GBE1: variants seen among roughly 807,000 people sequenced by gnomAD.
The protein encoded by GBE1 is 1,4-alpha-glucan-branching enzyme.
Under a neutral mutation model 88.8 loss-of-function variants are expected in GBE1, and 70 were observed. The ratio of observed to expected loss-of-function variants is 0.79; its 90% CI spans 0.65 to 0.96. GBE1 has a LOEUF of 0.96. Ranked by LOEUF, GBE1 falls within the 40% of genes least tolerant of loss-of-function variation. GBE1 has a pLI of 0.00. For missense variants in GBE1, 872 were observed against 871.0 expected (o/e 1.00, Z -0.01); for synonymous variants, 284 against 300.1 (o/e 0.95, Z 0.56).
At chr3:81,499,081 G>A in intron 15 of GBE1, 29 bp downstream of exon 15, 1 of 1,111,576 alleles carries the variant, frequency 9.0e-7, no homozygotes, top group South Asian at 1.4e-5. Context: ...AATTAAAATA[G>A]CAGGAAATAT....
chr3:81,573,208 T>A (rs1703598189), intron 12 of GBE1, among the ~76,000 whole-genome samples: 1 of 152,210 alleles, frequency 6.6e-6, no homozygotes, highest in Admixed American at 6.5e-5. Flanking sequence ...AACTTGCCAA[T>A]CAGAATGGCA....
chr3:81,648,338 C>T (rs1001210358), intron 5 of GBE1, among the ~76,000 whole-genome samples: 5 of 152,082 alleles, frequency 3.3e-5, no homozygotes, highest in African/African-American at 1.2e-4. Context: ...GTTATGAAGA[C>T]AGGATCTGTG....
At position 81,659,359 on chromosome 3, in the gene GBE1, A is replaced by T. The variant is rs562181873; in HGVS notation, c.430-9438T>A. ...TTATTTTTTTTTTATTTTTTTTTAG[A>T]CAGTCTCAGTCTGTCACCCAGGCTG... On this transcript the variant is annotated intron_variant, in intron 3 of 15. Coordinates refer to ENST00000429644, the MANE Select transcript of GBE1 (RefSeq NM_000158.4). Among the ~76,000 whole-genome samples the T allele has an allele frequency of 1.0e-3, 156 of 151,086 alleles. 1 individual carries two copies. Among genetic ancestry groups the T allele is most frequent in the African/African-American group, 3.5e-3 (143 of 41,166 alleles).
intron 9 of GBE1, among the ~76,000 whole-genome samples, chr3:81,589,296 T>C (rs1404457366): frequency 1.3e-5 from 2 of 152,028 alleles, no homozygotes; most frequent in Middle Eastern, 3.4e-3. Flanking sequence ...GCAATTTTTG[T>C]AATTGTCATT....
chr3:81,548,049 G>C (rs1194651103), intron 12 of GBE1, among the ~76,000 whole-genome samples: 4 of 151,262 alleles, frequency 2.6e-5, no homozygotes, highest in African/African-American at 9.7e-5. Flanking sequence ...TCAGGTTCAG[G>C]GTTCAATTCC....
At chr3:81,616,271 G>A (rs1473428241) in intron 7 of GBE1, among the ~76,000 whole-genome samples, 1 of 152,102 alleles carries the variant, frequency 6.6e-6, no homozygotes, top group Non-Finnish European at 1.5e-5. Flanking sequence ...CTCATGTCAA[G>A]TCTAAGAACT....
At chr3:81,498,847 C>T (rs909246996) in intron 15 of GBE1, among the ~76,000 whole-genome samples, 5 of 152,078 alleles carry the variant, frequency 3.3e-5, no homozygotes, top group African/African-American at 1.2e-4. Context: ...GCCTTCTGCT[C>T]ATTTCTTGAG....
chr3:81,702,039 C>A (rs1486077209), intron 2 of GBE1, among the ~76,000 whole-genome samples: 1 of 142,042 alleles, frequency 7.0e-6, no homozygotes, highest in African/African-American at 2.6e-5. Flanking sequence ...TAGGAAAAAA[C>A]GGATTTTATG....
intron 14 of GBE1, among the ~76,000 whole-genome samples, chr3:81,529,533 A>G (rs1193637509): frequency 6.6e-6 from 1 of 151,046 alleles, no homozygotes; most frequent in African/African-American, 2.4e-5. Context: ...TTTGTCTGGG[A>G]AAGTCTTAAT....
intron 1 of GBE1, among the ~76,000 whole-genome samples, chr3:81,727,765 G>A (rs1706133002): frequency 6.6e-6 from 1 of 152,096 alleles, no homozygotes; most frequent in South Asian, 2.1e-4. Context: ...GAAAAAGTAG[G>A]CAGTATATTT....
chr3:81,665,404 C>T (rs946109510), intron 3 of GBE1, among the ~76,000 whole-genome samples: 27 of 151,982 alleles, frequency 1.8e-4, no homozygotes, highest in Admixed American at 2.6e-4. Context: ...GGCGTGGTGG[C>T]GGGCGCCTGT....
intron 1 of GBE1, among the ~76,000 whole-genome samples, chr3:81,753,321 T>A (rs1706558352): frequency 6.6e-6 from 1 of 152,180 alleles, no homozygotes; most frequent in African/African-American, 2.4e-5. Flanking sequence ...GATGAGCTCA[T>A]ATTGCCATAA....
At chr3:81,732,311 G>A (rs1204195955) in intron 1 of GBE1, among the ~76,000 whole-genome samples, 4 of 152,054 alleles carry the variant, frequency 2.6e-5, no homozygotes, top group Non-Finnish European at 5.9e-5. Flanking sequence ...AACATATGCA[G>A]CAAGTCCACA....
chr3:81,725,521 T>C (rs567246459), intron 1 of GBE1, among the ~76,000 whole-genome samples: 1 of 152,262 alleles, frequency 6.6e-6, no homozygotes, highest in South Asian at 2.1e-4. Context: ...AGTTAATTAA[T>C]TTTTTAATAT....
chr3:81,751,332 A>G (rs1232912125), intron 1 of GBE1, among the ~76,000 whole-genome samples: 1 of 152,184 alleles, frequency 6.6e-6, no homozygotes. Context: ...TCCTCTTTGG[A>G]GAAAGGAAAA....
chr3:81,545,512 C>T (rs1331764500), intron 12 of GBE1, among the ~76,000 whole-genome samples: 1 of 152,056 alleles, frequency 6.6e-6, no homozygotes, highest in Non-Finnish European at 1.5e-5. Flanking sequence ...CAAAACAGAA[C>T]TCAGTGCTCA....
In GBE1 at chr3:81,612,124, T is replaced by A. The variant is rs1013075089; in HGVS notation, c.993-18101A>T. 7.6e-5 allele frequency: 22 copies of A among 291,266 alleles called. 1 individual carries two copies. Among genetic ancestry groups the A allele is most frequent in the African/African-American group, 5.0e-4 (22 of 44,048 alleles). The allele number at this position is 291,266 out of a possible 1,614,324, so 18.0% of individuals were successfully genotyped here. On this transcript the variant is annotated intron_variant, in intron 7 of 15. Transcript: ENST00000429644. ...TTTCAAATTATAGGAATATTAGAAC[T>A]TTTTAGGCAGGAATGGTTCATAAGA... is the stretch of plus-strand genomic sequence containing the variant.
At chr3:81,736,306 TC>T (rs1706257197) in intron 1 of GBE1, among the ~76,000 whole-genome samples, 1 of 152,192 alleles carries the variant, frequency 6.6e-6, no homozygotes, top group African/African-American at 2.4e-5. Flanking sequence ...TTAAGGGATC[TC>T]AACCACATTG....
intron 7 of GBE1, among the ~76,000 whole-genome samples, chr3:81,600,871 T>C (rs768861669): frequency 7.9e-5 from 12 of 151,836 alleles, no homozygotes; most frequent in Non-Finnish European, 1.5e-4. Context: ...GGTGAAAATA[T>C]AGAGGCACCT....
Sources: gnomAD v4.1 joint callset for allele counts (sites outside exome capture counted in the v4.1 genomes callset) on GRCh38, gnomAD v4.1.1 for gene constraint, MANE v1.5 for transcripts, NCBI Gene and HGNC (gene_info 2026-07-23, HGNC 2026-07-21) for gene names.